The following LHCGR variants were observed in gnomAD, a reference collection of about 807,000 sequenced individuals.
LHCGR encodes lutropin-choriogonadotropic hormone receptor.
In LHCGR, 55 loss-of-function variants were observed where a neutral mutation model predicts 60.7. The ratio of observed to expected loss-of-function variants is 0.91; its 90% CI spans 0.73 to 1.13. The LOEUF (loss-of-function observed/expected upper bound fraction) is 1.13, where lower values mean the gene tolerates loss of function less well. LHCGR is among the 50% of genes most tolerant of loss of function. The pLI, the probability that LHCGR is intolerant of heterozygous loss-of-function variation, is 0.00. For synonymous variants in LHCGR, 337 were observed against 316.5 expected, an observed-to-expected ratio of 1.06 and a Z score of -0.69; for missense variants, 862 against 836.0, an observed-to-expected ratio of 1.03 and a Z score of -0.38.
At chr2:48,714,382 A>G (rs1331023773) in intron 6 of LHCGR, among the ~76,000 whole-genome samples, 1 of 152,182 alleles carries the variant, frequency 6.6e-6, no homozygotes, top group Non-Finnish European at 1.5e-5. Context: ...AGAGATGTTT[A>G]ACACTTAAGC....
rs1680026483 is a variant in LHCGR, at chr2:48,688,546, T to G, written c.1251A>C (p.Ser417=). 1.2e-6 allele frequency: 2 copies of G among 1,614,050 alleles called. No homozygotes were observed. ...ACTGGCCCTTGGTTTGGGAATCAAC[T>G]GAGGCTATGAGCAGCAGATAGAGCC... ...CMGLYLLLIA[S]VDSQTKGQYY... The change falls in exon 11 of 11, where the codon TCA becomes TCC. Residue 417 remains serine (S), a synonymous_variant. Transcript: ENST00000294954. This position sits in a 1 kb window ranked among gnomAD's most constrained non-coding sequence, Gnocchi z 5.2.
intron 7 of LHCGR, among the ~76,000 whole-genome samples, chr2:48,710,760 G>A (rs937852181): frequency 4.6e-5 from 7 of 152,200 alleles, no homozygotes; most frequent in Non-Finnish European, 8.8e-5. Flanking sequence ...TGCTGCCTTA[G>A]TAAGTCAGGT....
intron 1 of LHCGR, 36 bp downstream of exon 1, chr2:48,755,475 A>C (rs1189359510): frequency 3.0e-5 from 41 of 1,386,484 alleles, no homozygotes; most frequent in Non-Finnish European, 3.9e-5. Context: ...AGGGTCCTGC[A>C]TCAAGGGCGC....
chr2:48,729,288 T>A, intron 2 of LHCGR, 61 bp from the exon 3 acceptor site: 2 of 1,297,570 alleles, frequency 1.5e-6, no homozygotes, highest in Non-Finnish European at 2.2e-6. Flanking sequence ...CGTGTCTGCA[T>A]GATTATGAGC....
Position 48,688,927 on chromosome 2 carries a change from G to A in LHCGR, c.948-78C>T. On this transcript the variant is annotated intron_variant, in intron 10 of 10. Transcript: ENST00000294954. This position sits in a 1 kb window ranked among gnomAD's most constrained non-coding sequence, Gnocchi z 5.2. ...AATTCAAGAATTATGTTTCTTTAAA[G>A]GCAAAGAAACAAAAGGAAACAAAGC... 1.5e-6 allele frequency: 2 copies of A among 1,359,098 alleles called. No homozygotes were observed. The highest frequency in any genetic ancestry group is 2.1e-6 in the Non-Finnish European group (2 of 961,326). 84.2% of individuals were successfully genotyped at this position (1,359,098 alleles called of 1,614,324 possible).
At chr2:48,727,522 G>A (rs886616977) in intron 3 of LHCGR, among the ~76,000 whole-genome samples, 34 of 152,264 alleles carry the variant, frequency 2.2e-4, no homozygotes, top group Middle Eastern at 3.4e-3. Context: ...TTTGCATCAC[G>A]GGAAGCTTTA....
At chr2:48,696,608 C>G (rs978434872) in intron 9 of LHCGR, among the ~76,000 whole-genome samples, 4 of 152,060 alleles carry the variant, frequency 2.6e-5, no homozygotes, top group Non-Finnish European at 5.9e-5. Context: ...TGAAAATAAG[C>G]CACACCTCCT....
At chr2:48,721,976 C>T (rs978247363) in intron 6 of LHCGR, among the ~76,000 whole-genome samples, 2 of 152,122 alleles carry the variant, frequency 1.3e-5, no homozygotes, top group South Asian at 2.1e-4. Context: ...ATGGTGAAAT[C>T]CTGTCTCTAC....
rs34793365 is a variant in LHCGR, at chr2:48,717,542, C to CTTATTATTATTATTATTATTA, written c.537-3489_537-3488insTAATAATAATAATAATAATAA. On this transcript the variant is annotated intron_variant, in intron 6 of 10. Transcript: ENST00000294954. ...TACAATAAATGCTTAATGTGTTGAT[C>CTTATTATTATTATTATTATTA]TTATTATTATTATTATTATATTTTT... 4.5e-3 allele frequency among the ~76,000 whole-genome samples: 679 copies of CTTATTATTATTATTATTATTA among 151,066 alleles called. 2 individuals are homozygous for CTTATTATTATTATTATTATTA. Among genetic ancestry groups the CTTATTATTATTATTATTATTA allele is most frequent in the South Asian group, 9.5e-3 (45 of 4,746 alleles).
chr2:48,705,192 G>A (rs1189194911), intron 8 of LHCGR, among the ~76,000 whole-genome samples: 3 of 152,192 alleles, frequency 2.0e-5, no homozygotes, highest in Non-Finnish European at 2.9e-5. Context: ...CTATGTAGTT[G>A]TGCGGTTTTG....
In LHCGR at chr2:48,689,427, G is replaced by C. The variant is rs181484912; in HGVS notation, c.948-578C>G. Among the ~76,000 whole-genome samples, 482 of 152,286 alleles carry C rather than the reference G, an allele frequency of 3.2e-3. 3 individuals carry two copies. Among genetic ancestry groups the C allele is most frequent in the African/African-American group, 0.011 (455 of 41,546 alleles). ...CAAATGGAATTGGAAGGCTCATGTT[G>C]TTGAAAGTCATTAGCTACTGGTGGA... On this transcript the variant is annotated intron_variant, in intron 10 of 10. Coordinates refer to ENST00000294954, the MANE Select transcript of LHCGR (RefSeq NM_000233.4).
chr2:48,689,196 ATACAT>A (rs1386825929), intron 10 of LHCGR, among the ~76,000 whole-genome samples: 3 of 151,328 alleles, frequency 2.0e-5, no homozygotes, highest in African/African-American at 7.3e-5. Context: ...TATATATACT[ATACAT>A]ACATACATAT....
intron 8 of LHCGR, among the ~76,000 whole-genome samples, chr2:48,700,196 A>T (rs1203165171): frequency 1.3e-5 from 2 of 152,090 alleles, no homozygotes; most frequent in Non-Finnish European, 2.9e-5. Context: ...TTAGGGATTG[A>T]GCTCTTTGAA....
rs972744059 is a variant in LHCGR, at chr2:48,729,708, C to G, written c.234-481G>C. Reference sequence around the variant, plus strand: ...TTGAATTGTTTCATAACTCTTAACCCTTAGTTTCCCAAAATCTCGTGCTGA... The same window carrying G: ...TTGAATTGTTTCATAACTCTTAACCGTTAGTTTCCCAAAATCTCGTGCTGA... On this transcript the variant is annotated intron_variant, in intron 2 of 10. Transcript: ENST00000294954. Among the ~76,000 whole-genome samples, 4 of 152,276 alleles carry G rather than the reference C, an allele frequency of 2.6e-5. No homozygotes were observed. In the Middle Eastern group the frequency reaches 0.014, roughly 518 times the overall value.
chr2:48,715,708 C>T (rs1668217438), intron 6 of LHCGR, among the ~76,000 whole-genome samples: 2 of 152,098 alleles, frequency 1.3e-5, no homozygotes, highest in South Asian at 4.2e-4. Flanking sequence ...TATGTGTGGT[C>T]TCCTTCCACC....
intron 1 of LHCGR, among the ~76,000 whole-genome samples, chr2:48,751,652 A>T (rs1298440912): frequency 6.6e-6 from 1 of 152,220 alleles, no homozygotes; most frequent in Non-Finnish European, 1.5e-5. Context: ...TTACACTGCA[A>T]GTGAGAGGAA....
At chr2:48,714,785 A>G (rs987165437) in intron 6 of LHCGR, among the ~76,000 whole-genome samples, 2 of 152,120 alleles carry the variant, frequency 1.3e-5, no homozygotes, top group African/African-American at 4.8e-5. Flanking sequence ...ACTTCTACCC[A>G]GAATAAGACA....
chr2:48,708,207 G>T (rs182259549), intron 8 of LHCGR, among the ~76,000 whole-genome samples: 2 of 152,266 alleles, frequency 1.3e-5, no homozygotes, highest in Admixed American at 1.3e-4. Context: ...GAGAGAGCCT[G>T]GCCCTAATCC....
At chr2:48,705,375 G>A (rs560341564) in intron 8 of LHCGR, among the ~76,000 whole-genome samples, 8 of 152,180 alleles carry the variant, frequency 5.3e-5, no homozygotes, top group Admixed American at 3.9e-4. Context: ...TGCTGATTTG[G>A]GGTGGAGAGT....
Sources: allele counts gnomAD v4.1 joint callset (sites outside exome capture counted in the v4.1 genomes callset), GRCh38; gene constraint gnomAD v4.1.1; non-coding constraint Gnocchi (gnomAD v3.1); transcripts MANE v1.5; gene names NCBI Gene and HGNC (gene_info 2026-07-23, HGNC 2026-07-21).